Variants in CSTF3 observed in about 807,000 individuals in gnomAD.
CSTF3 encodes CF-1 77 kDa subunit.
Under a neutral mutation model 105.8 loss-of-function variants are expected in CSTF3, and 29 were observed. That is an observed-to-expected ratio of 0.27 (90% confidence interval 0.20 to 0.37). The LOEUF (loss-of-function observed/expected upper bound fraction) is 0.37. CSTF3 is among the 10% of genes least tolerant of loss of function. The pLI, the probability that CSTF3 is intolerant of heterozygous loss-of-function variation, is 1.00. For synonymous variants in CSTF3, 252 were observed against 281.9 expected (o/e 0.89, Z 1.06); for missense variants, 357 against 879.3 (o/e 0.41, Z 7.51).
chr11:33,102,828 A>G (rs1314735433), intron 9 of CSTF3, among the ~76,000 whole-genome samples: 2 of 152,222 alleles, frequency 1.3e-5, no homozygotes, highest in Non-Finnish European at 2.9e-5. Context: ...TAATAGAGGG[A>G]AAAGAATTAC....
intron 3 of CSTF3, among the ~76,000 whole-genome samples, chr11:33,115,153 A>G (rs1416232827): frequency 6.6e-6 from 1 of 152,198 alleles, no homozygotes; most frequent in South Asian, 2.1e-4. Flanking sequence ...AGTATAGCAC[A>G]TAGACTTTCC....
At chr11:33,132,581 T>C (rs943645111) in intron 3 of CSTF3, among the ~76,000 whole-genome samples, 23 of 152,204 alleles carry the variant, frequency 1.5e-4, no homozygotes, top group African/African-American at 4.6e-4. Context: ...GTTATTTAAA[T>C]GCTAATCTCC....
chr11:33,085,358 G>GAGACTTT (rs1554948120), intron 20 of CSTF3, 69 bp from the exon 21 acceptor site: 3 of 803,498 alleles, frequency 3.7e-6, no homozygotes, highest in Non-Finnish European at 5.3e-6. Context: ...TTCAACTGTG[G>GAGACTTT]ATACTTTATT....
At chr11:33,107,479 G>A (rs959985921) in intron 5 of CSTF3, among the ~76,000 whole-genome samples, 4 of 152,120 alleles carry the variant, frequency 2.6e-5, no homozygotes, top group Non-Finnish European at 4.4e-5. Context: ...GGTATAATTC[G>A]GAGTGGGGAT....
intron 3 of CSTF3, chr11:33,136,000 C>T (rs1203378545): frequency 1.3e-5 from 2 of 152,518 alleles, no homozygotes; most frequent in Non-Finnish European, 2.9e-5. Context: ...TTCAAAACTA[C>T]ATTTGAATCC....
chr11:33,113,312 C>T (rs1855399071), intron 3 of CSTF3, among the ~76,000 whole-genome samples: 1 of 152,058 alleles, frequency 6.6e-6, no homozygotes, highest in South Asian at 2.1e-4. Flanking sequence ...TATATTTAAT[C>T]TATTAAAAGT....
chr11:33,106,351 G>C (rs1279812403), intron 5 of CSTF3, among the ~76,000 whole-genome samples: 1 of 152,110 alleles, frequency 6.6e-6, no homozygotes, highest in Admixed American at 6.6e-5. Context: ...AGGATTTCAA[G>C]GTTACAGTGA....
chr11:33,140,501 A>C (rs1205845230), intron 3 of CSTF3, among the ~76,000 whole-genome samples: 15 of 152,144 alleles, frequency 9.9e-5, no homozygotes, highest in Admixed American at 9.2e-4. Context: ...CTCCCCACCA[A>C]GTAATACAAT....
rs1565004204 is a variant in CSTF3 at position 33,099,212 on chromosome 11, TTAA to T, written c.937-65_937-63del. The T allele has an allele frequency of 1.4e-5, 22 of 1,532,542 alleles. No individual in the cohort carries two copies. Among genetic ancestry groups the T allele is most frequent in the Non-Finnish European group, 1.8e-5 (21 of 1,143,692 alleles). 94.9% of individuals were successfully genotyped at this position (1,532,542 alleles called of 1,614,324 possible). On this transcript the variant is annotated intron_variant, in intron 11 of 20. Coordinates refer to ENST00000323959, the MANE Select transcript of CSTF3 (RefSeq NM_001326.3). The surrounding 1 kb of genome is among the most constrained non-coding windows in gnomAD (Gnocchi z 4.1). ...TTAATATAGTTGTGAGAGAATAAAA[TTAA>T]TAAAGTTACATCTACTTTATTTTAT...
At position 33,087,118 on chromosome 11, in the gene CSTF3, T is replaced by G; in HGVS notation, c.1665A>C (p.Ala555=). The change falls in exon 18 of 21, where the codon GCA becomes GCC. Residue 555 remains alanine, a synonymous_variant. Transcript: ENST00000323959. ...GYKDVSRAKL[A]AIIPDPVVAP... ...CTACAACTGGGTCCGGAATTATAGC[T>G]GCTAGCTTAGCACGGGAGACATCCT... 1 of 1,614,136 alleles carries G rather than the reference T, an allele frequency of 6.2e-7. No individual in the cohort carries two copies. The highest frequency in any genetic ancestry group is 8.5e-7 in the Non-Finnish European group (1 of 1,179,996).
At chr11:33,156,450 T>C (rs1278419279) in intron 1 of CSTF3, among the ~76,000 whole-genome samples, 1 of 152,204 alleles carries the variant, frequency 6.6e-6, no homozygotes, top group Non-Finnish European at 1.5e-5. Flanking sequence ...AACTTTTTCT[T>C]TCCTTATTAA....
chr11:33,085,844 A>G (rs773280400), intron 19 of CSTF3, 51 bp downstream of exon 19: 1 of 1,581,256 alleles, frequency 6.3e-7, no homozygotes, highest in Admixed American at 1.7e-5. Flanking sequence ...TTTATACACA[A>G]TTACTATGAC....
chr11:33,108,943 G>A (rs560698178), intron 3 of CSTF3, among the ~76,000 whole-genome samples: 6 of 152,282 alleles, frequency 3.9e-5, no homozygotes, highest in African/African-American at 1.2e-4. Context: ...ATCTTATGGG[G>A]AAAATAAGAC....
chr11:33,151,755 T>A (rs977762566), intron 1 of CSTF3, among the ~76,000 whole-genome samples: 2 of 152,222 alleles, frequency 1.3e-5, no homozygotes, highest in African/African-American at 2.4e-5. Flanking sequence ...GTGGTAACTC[T>A]TATGTTTTAC....
At chr11:33,159,754 CAA>C (rs1849915602) in intron 1 of CSTF3, among the ~76,000 whole-genome samples, 1 of 151,994 alleles carries the variant, frequency 6.6e-6, no homozygotes, top group African/African-American at 2.4e-5. Context: ...GTGTGAGTGA[CAA>C]AGACTCTGTT....
chr11:33,130,162 T>C (rs1221247826), intron 3 of CSTF3, among the ~76,000 whole-genome samples: 2 of 152,184 alleles, frequency 1.3e-5, no homozygotes, highest in African/African-American at 4.8e-5. Flanking sequence ...TTTCATAATC[T>C]CAATTAGTAA....
intron 13 of CSTF3, 96 bp from the exon 14 acceptor site, chr11:33,097,074 A>G (rs1380248371): frequency 8.4e-6 from 7 of 835,218 alleles, no homozygotes; most frequent in Non-Finnish European, 1.2e-5. Flanking sequence ...GAAAGTAGGA[A>G]TTTAGATAAT....
At chr11:33,127,817 G>C (rs1275883311) in intron 3 of CSTF3, among the ~76,000 whole-genome samples, 1 of 152,134 alleles carries the variant, frequency 6.6e-6, no homozygotes, top group African/African-American at 2.4e-5. Flanking sequence ...ACAGGGTTCT[G>C]TTTAAAACTA....
At position 33,112,126 on chromosome 11, in the gene CSTF3, C is replaced by T. The variant is rs913877982; in HGVS notation, c.226-3708G>A. 2.6e-5 allele frequency among the ~76,000 whole-genome samples: 4 copies of T among 151,940 alleles called. No individual in the cohort carries two copies. In the South Asian group the frequency reaches 8.3e-4, roughly 32 times the overall value. ...AAAATTAGCTGGGCATGGTGGCGCA[C>T]ACTTGTAATTCCAGCTACTCAGGAG... On this transcript the variant is annotated intron_variant, in intron 3 of 20. Coordinates refer to ENST00000323959, the MANE Select transcript of CSTF3 (RefSeq NM_001326.3).
Sources: gnomAD v4.1 joint callset for allele counts (sites outside exome capture counted in the v4.1 genomes callset) on GRCh38, gnomAD v4.1.1 for gene constraint, Gnocchi (gnomAD v3.1) non-coding constraint, MANE v1.5 for transcripts, NCBI Gene and HGNC (gene_info 2026-07-23, HGNC 2026-07-21) for gene names.